EDNRB: variants seen among roughly 807,000 people sequenced by gnomAD.
The protein encoded by EDNRB is Hirschsprung disease 2.
Under a neutral mutation model 46.4 loss-of-function variants are expected in EDNRB, and 18 were observed. The ratio of observed to expected loss-of-function variants is 0.39; its 90% confidence interval spans 0.27 to 0.57. The LOEUF (loss-of-function observed/expected upper bound fraction) is 0.57, where lower values mean the gene tolerates loss of function less well. Ranked by LOEUF, EDNRB falls within the 20% of genes least tolerant of loss-of-function variation. The pLI is 0.61. For missense variants in EDNRB, 434 were observed against 537.5 expected (o/e 0.81, Z 1.90); for synonymous variants, 213 against 204.9 (o/e 1.04, Z -0.34).
At chr13:77,908,197 G>T (rs1879386073) in intron 1 of EDNRB, among the ~76,000 whole-genome samples, 1 of 151,590 alleles carries the variant, frequency 6.6e-6, no homozygotes, top group Admixed American at 6.6e-5. Flanking sequence ...GCTTTGGCGA[G>T]ACTCTAAACG....
intron 1 of EDNRB, among the ~76,000 whole-genome samples, chr13:77,949,833 T>C (rs957377673): frequency 6.6e-5 from 10 of 152,270 alleles, no homozygotes; most frequent in Admixed American, 1.3e-4. Flanking sequence ...AAACTAGATT[T>C]TCCTCTTTGC....
At chr13:77,922,778 T>C (rs892565617), upstream of EDNRB, among the ~76,000 whole-genome samples, 3 of 152,228 alleles carry the variant, frequency 2.0e-5, no homozygotes, top group Non-Finnish European at 4.4e-5. Flanking sequence ...AGGGCTTAAC[T>C]GCAGCTTGAA....
At chr13:77,912,655 A>G (rs1021915146) in intron 1 of EDNRB, among the ~76,000 whole-genome samples, 11 of 152,070 alleles carry the variant, frequency 7.2e-5, no homozygotes, top group African/African-American at 2.7e-4. Flanking sequence ...TATTTGCTGT[A>G]TTGTTAACTG....
intron 1 of EDNRB, among the ~76,000 whole-genome samples, chr13:77,937,086 C>T (rs994496719): frequency 2.0e-5 from 3 of 152,130 alleles, no homozygotes; most frequent in East Asian, 1.9e-4. Flanking sequence ...AATAAGGCGG[C>T]CTTCTGGCCT....
At chr13:77,924,008 G>A (rs1007346207), upstream of EDNRB, among the ~76,000 whole-genome samples, 6 of 152,186 alleles carry the variant, frequency 3.9e-5, no homozygotes, top group Middle Eastern at 0.014. Flanking sequence ...AAAAGTTTCC[G>A]ATTATGCTTT....
chr13:77,958,564 TG>T (rs1287747867), intron 1 of EDNRB, among the ~76,000 whole-genome samples: 2 of 151,988 alleles, frequency 1.3e-5, no homozygotes, highest in Non-Finnish European at 2.9e-5. Flanking sequence ...TCAGTAGAGA[TG>T]GGGTTTCACC....
chr13:77,917,612 A>G (rs1879875679), intron 1 of EDNRB, among the ~76,000 whole-genome samples: 1 of 152,186 alleles, frequency 6.6e-6, no homozygotes, highest in African/African-American at 2.4e-5. Context: ...TCCATGGACC[A>G]CACACTTTTG....
chr13:77,896,857 A>G lies in EDNRB; in HGVS notation c.*1343T>C, dbSNP rs1331076920. The G allele has an allele frequency of 2.9e-6, 3 of 1,041,764 alleles. No individual in the cohort carries two copies. The highest frequency in any genetic ancestry group is 4.4e-4 in the Middle Eastern group (1 of 2,248). The allele number at this position is 1,041,764 out of a possible 1,614,324, so 64.5% of individuals were successfully genotyped here. A position where few individuals can be genotyped will look rare whatever the true frequency, so the allele number is the denominator to read the frequency against. On this transcript the variant is annotated 3_prime_UTR_variant, in exon 7 of 7. Transcript: ENST00000646607. ...TCCTAAGGCACTTTGCTTAGAAGAT[A>G]TAAAAATTAGGCAGGAACGCACAAA...
chr13:77,922,256 A>G (rs145306860), upstream of EDNRB, among the ~76,000 whole-genome samples: 135 of 152,280 alleles, frequency 8.9e-4, no homozygotes, highest in Non-Finnish European at 1.6e-3. Context: ...AAAGTTGAAG[A>G]TAGACAATGT....
intron 1 of EDNRB, among the ~76,000 whole-genome samples, chr13:77,952,786 A>G (rs1257667842): frequency 6.6e-6 from 1 of 152,134 alleles, no homozygotes; most frequent in Non-Finnish European, 1.5e-5. Context: ...GGGCCCTTGT[A>G]TTGCTCTGTA....
chr13:77,947,430 C>T (rs1348452320), intron 1 of EDNRB: 1 of 152,146 alleles, frequency 6.6e-6, no homozygotes, highest in Non-Finnish European at 1.5e-5. Flanking sequence ...GCCACCGTGC[C>T]TGGCCTCAAC....
chr13:77,932,373 C>A (rs1379403324), intron 1 of EDNRB, among the ~76,000 whole-genome samples: 1 of 152,168 alleles, frequency 6.6e-6, no homozygotes, highest in Non-Finnish European at 1.5e-5. Flanking sequence ...TAATTTAACA[C>A]GATTTATTAT....
chr13:77,926,082 A>G (rs1450338966), intron 1 of EDNRB, among the ~76,000 whole-genome samples: 1 of 152,224 alleles, frequency 6.6e-6, no homozygotes, highest in Non-Finnish European at 1.5e-5. Flanking sequence ...CCCATTTGGA[A>G]TGGCTGTATT....
chr13:77,971,170 TG>T (rs1161671716), intron 1 of EDNRB, among the ~76,000 whole-genome samples: 1 of 152,228 alleles, frequency 6.6e-6, no homozygotes, highest in Non-Finnish European at 1.5e-5. Flanking sequence ...CTGGACTCTC[TG>T]ATACCAGAAG....
At chr13:77,933,315 A>G (rs534551133) in intron 1 of EDNRB, among the ~76,000 whole-genome samples, 1 of 151,982 alleles carries the variant, frequency 6.6e-6, no homozygotes, top group Non-Finnish European at 1.5e-5. Context: ...GAGTCCGAAA[A>G]GAGAGTCAGC....
upstream of EDNRB, chr13:77,919,598 A>G: frequency 6.2e-7 from 1 of 1,608,878 alleles, no homozygotes; most frequent in Non-Finnish European, 8.5e-7. Context: ...CTGCCATCAG[A>G]CAAGTACTTT....
intron 1 of EDNRB, among the ~76,000 whole-genome samples, chr13:77,973,761 A>T (rs149418066): frequency 6.6e-6 from 1 of 152,092 alleles, no homozygotes; most frequent in Admixed American, 6.5e-5. Flanking sequence ...CATTTCTTGC[A>T]TGAATTTCCT....
intron 1 of EDNRB, among the ~76,000 whole-genome samples, chr13:77,930,133 C>G (rs551683866): frequency 2.0e-5 from 3 of 152,066 alleles, no homozygotes; most frequent in African/African-American, 7.2e-5. Flanking sequence ...ATCAACTATA[C>G]GAGGAGCAGG....
At chr13:77,936,944 C>T (rs1594384943) in intron 1 of EDNRB, among the ~76,000 whole-genome samples, 1 of 152,224 alleles carries the variant, frequency 6.6e-6, no homozygotes, top group African/African-American at 2.4e-5. Context: ...TGCCGTTTGG[C>T]TGCTTCCTAT....
Sources: gnomAD v4.1 joint callset for allele counts (sites outside exome capture counted in the v4.1 genomes callset) on GRCh38, gnomAD v4.1.1 for gene constraint, MANE v1.5 for transcripts, NCBI Gene and HGNC (gene_info 2026-07-23, HGNC 2026-07-21) for gene names.